KCNH1: variants seen among roughly 807,000 people sequenced by gnomAD.
KCNH1 encodes potassium voltage-gated channel subfamily H member 1.
Under a neutral mutation model 69.2 loss-of-function variants are expected in KCNH1, and 27 were observed. The observed-to-expected ratio is 0.39, with a 90% CI of 0.29 to 0.54. The LOEUF is 0.54. Among genes scored for constraint, KCNH1 ranks in the 20% least tolerant of loss-of-function variants. The pLI is 0.68. For missense variants in KCNH1, 798 were observed against 1,261.6 expected, an observed-to-expected ratio of 0.63 and a Z score of 5.57; for synonymous variants, 456 against 487.7, an observed-to-expected ratio of 0.93 and a Z score of 0.86.
intron 10 of KCNH1, among the ~76,000 whole-genome samples, chr1:210,735,798 GACAC>G (rs34116468): frequency 3.2e-4 from 47 of 147,388 alleles, no homozygotes; most frequent in Admixed American, 4.1e-4. Flanking sequence ...TGCATACACA[GACAC>G]ACACACACAC....
chr1:210,929,224 A>G (rs73071589), intron 6 of KCNH1, among the ~76,000 whole-genome samples: 4,905 of 152,230 alleles, frequency 0.032, 216 homozygotes, highest in African/African-American at 0.1. Context: ...GACATGACCA[A>G]AAAAGAAAAC....
chr1:210,692,418 T>A (rs1239996685), intron 10 of KCNH1, among the ~76,000 whole-genome samples: 1 of 152,192 alleles, frequency 6.6e-6, no homozygotes, highest in African/African-American at 2.4e-5. Context: ...ATGGCGCTGC[T>A]GTGCAAGAGT....
At chr1:210,697,573 G>A (rs1298092890) in intron 10 of KCNH1, among the ~76,000 whole-genome samples, 1 of 152,250 alleles carries the variant, frequency 6.6e-6, no homozygotes, top group East Asian at 1.9e-4. Flanking sequence ...AAGGCAGCAA[G>A]GCAAGTAATT....
intron 7 of KCNH1, among the ~76,000 whole-genome samples, chr1:210,851,748 A>T (rs1408178541): frequency 6.6e-6 from 1 of 152,256 alleles, no homozygotes. Context: ...TAAATGCTGT[A>T]AGCTATAATA....
intron 10 of KCNH1, among the ~76,000 whole-genome samples, chr1:210,694,354 C>G (rs1681591519): frequency 6.6e-6 from 1 of 151,676 alleles, no homozygotes; most frequent in Admixed American, 6.6e-5. Context: ...GCCCTCACTC[C>G]CCCTGCTTTT....
chr1:210,765,289 T>A (rs1683605148), intron 10 of KCNH1, among the ~76,000 whole-genome samples: 1 of 152,182 alleles, frequency 6.6e-6, no homozygotes, highest in Non-Finnish European at 1.5e-5. Context: ...TATCTACTAC[T>A]GGGTAGTATG....
At chr1:210,881,655 T>C (rs548329766) in intron 7 of KCNH1, among the ~76,000 whole-genome samples, 2 of 152,320 alleles carry the variant, frequency 1.3e-5, no homozygotes, top group Non-Finnish European at 2.9e-5. Flanking sequence ...AGTAGATGAA[T>C]GGATAAACTA....
chr1:211,075,106 A>G (rs1475099014), intron 5 of KCNH1, among the ~76,000 whole-genome samples: 1 of 152,216 alleles, frequency 6.6e-6, no homozygotes, highest in Non-Finnish European at 1.5e-5. Context: ...AAGGGGAGAG[A>G]TGTAGGAGAG....
chr1:210,795,126 TTTG>T (rs141102001), intron 9 of KCNH1, among the ~76,000 whole-genome samples: 26,590 of 151,250 alleles, frequency 0.18, 3,070 homozygotes, highest in Non-Finnish European at 0.26. Context: ...TTTGCTTGTT[TTTG>T]TTGTTGTTGT....
chr1:210,777,540 A>C (rs1171895923), intron 9 of KCNH1, among the ~76,000 whole-genome samples: 1 of 152,208 alleles, frequency 6.6e-6, no homozygotes. Flanking sequence ...GTAGGATGCT[A>C]ACTGGCTTCC....
chr1:210,709,176 G>A (rs148752751), intron 10 of KCNH1, among the ~76,000 whole-genome samples: 6,033 of 152,294 alleles, frequency 0.04, 190 homozygotes, highest in Middle Eastern at 0.065. Context: ...TTAAACCCAG[G>A]AGGCAGAGGT....
Position 210,903,891 on chromosome 1 carries a change from T to C in KCNH1, c.1462+15749A>G, listed in dbSNP as rs1048398432. Among the ~76,000 whole-genome samples, 10 of 152,138 alleles carry C rather than the reference T, an allele frequency of 6.6e-5. No individual in the cohort carries two copies. In the East Asian group the frequency reaches 1.9e-3, roughly 29 times the overall value. ...TTGCTCCTTGGGGACACAAACAGAA[T>C]TGGCCCCACTCCAGATGCTCATTCT... On this transcript the variant is annotated intron_variant, in intron 7 of 10. Coordinates refer to ENST00000271751, the MANE Select transcript of KCNH1 (RefSeq NM_172362.3).
intron 5 of KCNH1, among the ~76,000 whole-genome samples, chr1:211,036,398 G>T (rs1453017141): frequency 6.6e-6 from 1 of 152,144 alleles, no homozygotes; most frequent in Non-Finnish European, 1.5e-5. Flanking sequence ...GACTGGGACG[G>T]TCAATTTCTA....
intron 6 of KCNH1, among the ~76,000 whole-genome samples, chr1:210,921,333 T>C (rs192973970): frequency 2.0e-5 from 3 of 152,326 alleles, no homozygotes; most frequent in African/African-American, 7.2e-5. Flanking sequence ...AATCAAGACT[T>C]TGTCCTCCCT....
At chr1:211,044,666 A>G (rs1275912953) in intron 5 of KCNH1, among the ~76,000 whole-genome samples, 1 of 152,166 alleles carries the variant, frequency 6.6e-6, no homozygotes, top group Non-Finnish European at 1.5e-5. Flanking sequence ...AAAATGCTCA[A>G]CATCACTAAC....
chr1:210,868,127 T>C (rs1302538458), intron 7 of KCNH1, among the ~76,000 whole-genome samples: 1 of 152,020 alleles, frequency 6.6e-6, no homozygotes, highest in Non-Finnish European at 1.5e-5. Flanking sequence ...CCACAAGCAA[T>C]ATATGTAAGT....
intron 7 of KCNH1, chr1:210,862,207 A>G (rs1685994253): frequency 8.2e-7 from 1 of 1,215,346 alleles, no homozygotes; most frequent in Non-Finnish European, 1.2e-6. Context: ...TGCTTCATTG[A>G]GCTGGCGCTC....
intron 6 of KCNH1, among the ~76,000 whole-genome samples, chr1:210,933,489 T>C (rs1002142745): frequency 1.3e-5 from 2 of 151,092 alleles, no homozygotes; most frequent in African/African-American, 4.9e-5. Context: ...ATTGTGAACA[T>C]GTACCCTAAA....
intron 7 of KCNH1, among the ~76,000 whole-genome samples, chr1:210,894,757 A>AT (rs1686827901): frequency 1.3e-5 from 2 of 152,192 alleles, no homozygotes; most frequent in Admixed American, 6.5e-5. Flanking sequence ...CCTCTGCCAT[A>AT]TTATGATGCA....
Sources: gnomAD v4.1 joint callset for allele counts (sites outside exome capture counted in the v4.1 genomes callset) on GRCh38, gnomAD v4.1.1 for gene constraint, MANE v1.5 for transcripts, NCBI Gene and HGNC (gene_info 2026-07-23, HGNC 2026-07-21) for gene names.